The following AGTPBP1 variants were observed in gnomAD, a reference collection of about 807,000 sequenced individuals.
AGTPBP1 encodes the protein ATP/GTP binding carboxypeptidase 1, also known as cytosolic carboxypeptidase 1.
Under a neutral mutation model 143.9 loss-of-function variants are expected in AGTPBP1, and 70 were observed. That is an observed-to-expected ratio of 0.49 (90% CI 0.40 to 0.59). AGTPBP1 has a LOEUF of 0.59. AGTPBP1 is among the 20% of genes least tolerant of loss of function. The pLI is 0.00. For synonymous variants in AGTPBP1, 463 were observed against 500.2 expected, an observed-to-expected ratio of 0.93 and a Z score of 0.99; for missense variants, 1,229 against 1,464.5, an observed-to-expected ratio of 0.84 and a Z score of 2.62.
At position 85,704,205 on chromosome 9, in the gene AGTPBP1, T is replaced by G. The variant is rs559417581; in HGVS notation, c.32+8297A>C. Among the ~76,000 whole-genome samples, 6 of 152,086 alleles carry G rather than the reference T, an allele frequency of 3.9e-5. No homozygotes were observed. In the South Asian group the frequency reaches 1.2e-3, roughly 32 times the overall value. On this transcript the variant is annotated intron_variant, in intron 2 of 25. Coordinates refer to ENST00000357081, the MANE Select transcript of AGTPBP1 (RefSeq NM_001330701.2). ...AGACAGCCCAACAGTCTTCTTTAGT[T>G]GAGGAGATAAAGGTAAGAGTCCAGG...
chr9:85,656,643 T>C (rs1446216158), intron 10 of AGTPBP1, among the ~76,000 whole-genome samples: 5 of 152,062 alleles, frequency 3.3e-5, no homozygotes, highest in East Asian at 3.9e-4. Context: ...AACATCCTCA[T>C]TCCCCATGGC....
At chr9:85,761,399 C>T in the AGTPBP1 span, among the ~76,000 whole-genome samples, 1 of 152,206 alleles carries the variant, frequency 6.6e-6, no homozygotes, top group East Asian at 1.9e-4. Context: ...GTAACCAAAA[C>T]AGCATGGTAC....
At chr9:85,767,968 G>GGGTA in the AGTPBP1 span, among the ~76,000 whole-genome samples, 1 of 152,088 alleles carries the variant, frequency 6.6e-6, no homozygotes, top group African/African-American at 2.4e-5. Context: ...GTGAGCTCCT[G>GGGTA]GGTACACATT....
chr9:85,608,921 T>C (rs1181628270), intron 17 of AGTPBP1, among the ~76,000 whole-genome samples: 4 of 152,070 alleles, frequency 2.6e-5, no homozygotes, highest in Non-Finnish European at 5.9e-5. Flanking sequence ...AAGGCATCTG[T>C]CCAAATAGAC....
At chr9:85,729,863 T>C (rs1838764237) in intron 1 of AGTPBP1, among the ~76,000 whole-genome samples, 1 of 152,124 alleles carries the variant, frequency 6.6e-6, no homozygotes, top group African/African-American at 2.4e-5. Context: ...ATGGCTATTA[T>C]CAAAAAGACA....
At chr9:85,673,731 T>C (rs911380064) in intron 6 of AGTPBP1, among the ~76,000 whole-genome samples, 5 of 152,130 alleles carry the variant, frequency 3.3e-5, no homozygotes, top group African/African-American at 9.7e-5. Context: ...GTAATGGGTA[T>C]ATTAAATGCC....
At chr9:85,773,702 A>G in the AGTPBP1 span, 42 of 624,756 alleles carry the variant, frequency 6.7e-5, no homozygotes, top group African/African-American at 5.7e-4. Context: ...GCATTTGCCT[A>G]AGGACCCAAT....
chr9:85,573,616 G>A (rs1263930826), intron 25 of AGTPBP1, among the ~76,000 whole-genome samples: 1 of 147,562 alleles, frequency 6.8e-6, no homozygotes, highest in African/African-American at 2.5e-5. Flanking sequence ...TCTGGAAAGT[G>A]AGGAGCGTCT....
chr9:85,669,571 A>G lies in AGTPBP1; in HGVS notation c.576T>C (p.Asn192=), dbSNP rs773666654. 46 of 1,609,806 alleles carry G rather than the reference A, an allele frequency of 2.9e-5. No individual in the cohort carries two copies. The highest frequency in any genetic ancestry group is 9.4e-5 in the African/African-American group (7 of 74,796). The change falls in exon 8 of 26, where the codon AAT becomes AAC. Residue 192 remains asparagine (N), a synonymous_variant. Transcript: ENST00000357081. ...CTCCATTTTTCCCTAAGGATACTGA[A>G]TTCACAGCTGAGAGGGGGAGAAAGA... is the stretch of plus-strand genomic sequence containing the variant. ...LLRVYSANSV[N]SVSLGKNGVV...
intron 25 of AGTPBP1, 111 bp downstream of exon 25, chr9:85,575,203 AT>A (rs1827819652): frequency 1.5e-6 from 1 of 682,684 alleles, no homozygotes; most frequent in Admixed American, 3.8e-5. Context: ...ACTTAATTAT[AT>A]TAATTCTAAA....
Position 85,692,828 on chromosome 9 carries a change from G to C in AGTPBP1, c.33-15C>G, listed in dbSNP as rs1209198909. The C allele has an allele frequency of 1.7e-5, 27 of 1,611,158 alleles. No homozygotes were observed. Among genetic ancestry groups the C allele is most frequent in the Non-Finnish European group, 2.1e-5 (25 of 1,178,926 alleles). ...TATTGGTAAGGCTAAAAAGAACGTA[G>C]AATGTTAGGGCACATTCTAAATCAA... On this transcript the variant is annotated splice_polypyrimidine_tract_variant and intron_variant, in intron 2 of 25. Transcript: ENST00000357081.
chr9:85,759,717 G>A, the AGTPBP1 span, among the ~76,000 whole-genome samples: 1 of 152,068 alleles, frequency 6.6e-6, no homozygotes, highest in Non-Finnish European at 1.5e-5. Flanking sequence ...AAGAACTAGA[G>A]AAGCAAGAGC....
chr9:85,746,242 C>G (rs1028669684), upstream of AGTPBP1, among the ~76,000 whole-genome samples: 6 of 152,130 alleles, frequency 3.9e-5, no homozygotes, highest in Admixed American at 3.9e-4. Flanking sequence ...TGCCTCACCC[C>G]CTCTGTGGAC....
At chr9:85,715,251 A>T (rs189093104) in intron 1 of AGTPBP1, among the ~76,000 whole-genome samples, 205 of 151,964 alleles carry the variant, frequency 1.3e-3, no homozygotes, top group Non-Finnish European at 2.1e-3. Context: ...GTCTCAAAAA[A>T]AAAAAGAAAA....
intron 3 of AGTPBP1, among the ~76,000 whole-genome samples, chr9:85,689,078 T>A (rs936250991): frequency 6.6e-6 from 1 of 152,210 alleles, no homozygotes; most frequent in African/African-American, 2.4e-5. Flanking sequence ...GTATGTAATA[T>A]ACTAAATTTA....
chr9:85,708,457 C>A (rs541424326), intron 2 of AGTPBP1, among the ~76,000 whole-genome samples: 2 of 152,284 alleles, frequency 1.3e-5, no homozygotes, highest in Admixed American at 1.3e-4. Context: ...CACAAATTAC[C>A]AAAACTCACT....
At chr9:85,725,959 G>C (rs1838450602) in intron 1 of AGTPBP1, among the ~76,000 whole-genome samples, 1 of 146,636 alleles carries the variant, frequency 6.8e-6, no homozygotes, top group South Asian at 2.2e-4. Context: ...TGAGGCAGGA[G>C]AATTGCCTGA....
At chr9:85,737,535 C>T (rs768117386) in intron 1 of AGTPBP1, among the ~76,000 whole-genome samples, 8 of 152,146 alleles carry the variant, frequency 5.3e-5, no homozygotes, top group Non-Finnish European at 1.0e-4. Context: ...AAACAGCTTC[C>T]CAATAATTTG....
rs540025240 is a variant in AGTPBP1 at position 85,706,285 on chromosome 9, G to A, written c.32+6217C>T. Among the ~76,000 whole-genome samples the A allele has an allele frequency of 8.5e-4, 129 of 151,522 alleles. 1 individual carries two copies. The highest frequency in any genetic ancestry group is 3.0e-3 in the African/African-American group (124 of 41,358). ...CCCAGCACTTTGGGAGCCAAGGTGGGTGGATCACAAGGTCAGGAGTTCAAG... is the reference window on the plus strand; with the variant it reads ...CCCAGCACTTTGGGAGCCAAGGTGGATGGATCACAAGGTCAGGAGTTCAAG... On this transcript the variant is annotated intron_variant, in intron 2 of 25. Transcript: ENST00000357081.
Sources: gnomAD v4.1 joint callset for allele counts (sites outside exome capture counted in the v4.1 genomes callset) on GRCh38, gnomAD v4.1.1 for gene constraint, MANE v1.5 for transcripts, NCBI Gene and HGNC (gene_info 2026-07-23, HGNC 2026-07-21) for gene names.